ITGAX: variants seen among roughly 807,000 people sequenced by gnomAD.
ITGAX encodes integrin subunit alpha X.
A neutral mutation model predicts 140.2 loss-of-function variants in ITGAX; 99 were observed. That is an observed-to-expected ratio of 0.71 (90% CI 0.60 to 0.83). The LOEUF is 0.83. Among genes scored for constraint, ITGAX ranks in the 40% least tolerant of loss-of-function variants. The probability of loss-of-function intolerance (pLI) is 0.00; values close to 1 mark genes in which losing one functional copy is unlikely to be tolerated. For missense variants in ITGAX, 1,444 were observed against 1,482.0 expected (o/e 0.97, Z 0.42); for synonymous variants, 631 against 600.4 (o/e 1.05, Z -0.75).
In ITGAX at chr16:31,376,887, AC is replaced by A. The variant is rs2081024155; in HGVS notation, c.2599del (p.His867ThrfsTer30). ...ACCTGGAGCACCAGCTGCAGAATCA[AC>A]CACCTCATCTTCCGTGGCGGCGCCC... is the stretch of plus-strand genomic sequence containing the variant. ...QGTWSTSCRI[N>X]HLIFRGGAQI... is the part of the protein sequence containing the mutation. On this transcript the variant is annotated frameshift_variant, in exon 21 of 30. Coordinates refer to ENST00000268296, the MANE Select transcript of ITGAX (RefSeq NM_000887.5). LOFTEE classifies it high-confidence loss of function. The A allele has an allele frequency of 2.5e-6, 4 of 1,614,054 alleles. No homozygotes were observed. The highest frequency in any genetic ancestry group is 3.4e-6 in the Non-Finnish European group (4 of 1,180,032).
At chr16:31,368,514 AG>A (rs1343404189) in intron 14 of ITGAX, among the ~76,000 whole-genome samples, 36 of 150,952 alleles carry the variant, frequency 2.4e-4, no homozygotes, top group African/African-American at 6.8e-4. Flanking sequence ...AAAAAAAAAA[AG>A]AATATTATAT....
intron 29 of ITGAX, 87 bp downstream of exon 29, chr16:31,381,094 G>A (rs1243205911): frequency 1.9e-6 from 2 of 1,038,738 alleles, no homozygotes; most frequent in African/African-American, 1.6e-5. Context: ...TGAAGGCAGA[G>A]GCACATTCTT....
intron 14 of ITGAX, among the ~76,000 whole-genome samples, chr16:31,367,086 T>C (rs1013785772): frequency 2.0e-5 from 3 of 152,042 alleles, no homozygotes; most frequent in Non-Finnish European, 2.9e-5. Context: ...CAAAGCCAAA[T>C]CCAGAGCAAG....
rs896944312 is a variant in ITGAX at position 31,363,266 on chromosome 16, C to T, written c.1602C>T (p.Asp534=). The change falls in exon 14 of 30, where the codon GAC becomes GAT. Residue 534 remains aspartate (D), a synonymous_variant. Coordinates refer to ENST00000268296, the MANE Select transcript of ITGAX (RefSeq NM_000887.5). ...CAGTGCTGGGGGATGTGAATGGGGA[C>T]AAGCTGACAGACGTGGTCATCGGGG... ...ALTVLGDVNG[D]KLTDVVIGAP... The T allele has an allele frequency of 1.2e-6, 2 of 1,613,970 alleles. No individual in the cohort carries two copies. The highest frequency in any genetic ancestry group is 1.3e-5 in the African/African-American group (1 of 74,990).
Position 31,355,247 on chromosome 16 carries a change from T to C in ITGAX, c.-8T>C, listed in dbSNP as rs2080745872. 3.1e-6 allele frequency: 5 copies of C among 1,613,800 alleles called. No homozygotes were observed. On this transcript the variant is annotated 5_prime_UTR_variant, in exon 1 of 30. Transcript: ENST00000268296. ...GGAGCTCAGAGCTCCACATCTGACC[T>C]TCTAGTCATGACCAGGACCAGGGCA...
At chr16:31,371,275 C>A in intron 15 of ITGAX, 59 bp from the exon 16 acceptor site, 5 of 1,607,724 alleles carry the variant, frequency 3.1e-6, no homozygotes, top group East Asian at 4.5e-5. Context: ...GGGGTGCCCA[C>A]CCCACGTGGT....
chr16:31,356,919 T>G (rs2080767031), intron 3 of ITGAX, 112 bp from the exon 4 acceptor site: 1 of 1,011,988 alleles, frequency 9.9e-7, no homozygotes, highest in Middle Eastern at 3.2e-4. Context: ...ACCCGACAGC[T>G]TCCTTCACCG....
intron 11 of ITGAX, 79 bp downstream of exon 11, chr16:31,362,283 T>C (rs961620669): frequency 8.0e-7 from 1 of 1,256,154 alleles, no homozygotes; most frequent in Non-Finnish European, 1.0e-6. Flanking sequence ...GGAAGGGGTA[T>C]GGGGGCTGTG....
Position 31,363,045 on chromosome 16 carries a change from C to T in ITGAX, c.1470C>T (p.Gly490=), listed in dbSNP as rs2036733553. 3.7e-6 allele frequency: 6 copies of T among 1,611,888 alleles called. No homozygotes were observed. The highest frequency in any genetic ancestry group is 5.1e-6 in the Non-Finnish European group (6 of 1,179,592). The change falls in exon 13 of 30, where the codon GGC becomes GGT. Residue 490 remains glycine, a synonymous_variant. Transcript: ENST00000268296. ...APHYYEQTRG[G]QVSVCPLPRG... ...ATTACTACGAGCAGACCCGAGGGGG[C>T]CAGGTGTCTGTGTGTCCCTTGCCCA...
rs2080755170 is a variant in ITGAX, at chr16:31,355,956, G to A, written c.101G>A (p.Ser34Asn). ...TEELTAFRVDSAGFGDSVVQY... is the reference protein window; with the variant it reads ...TEELTAFRVDNAGFGDSVVQY... ...GAGCTGACAGCCTTCCGTGTGGACA[G>A]CGCTGGGTTTGGAGACAGCGTGGTC... is the stretch of plus-strand genomic sequence containing the variant. The change falls in exon 2 of 30, where the codon AGC (serine) becomes AAC (asparagine). Residue 34 changes from serine to asparagine, a missense_variant. Physicochemically the swap from Ser to Asn is conservative, Grantham distance 46. Transcript: ENST00000268296. The A allele has an allele frequency of 5.6e-6, 9 of 1,613,766 alleles. No individual in the cohort carries two copies. The highest frequency in any genetic ancestry group is 6.8e-6 in the Non-Finnish European group (8 of 1,179,836).
chr16:31,357,452 A>T (rs2080776173), intron 5 of ITGAX, 88 bp downstream of exon 5: 3 of 816,868 alleles, frequency 3.7e-6, no homozygotes, highest in Non-Finnish European at 5.9e-6. Flanking sequence ...GCCAGAGTGG[A>T]TCAGAAAGAA....
chr16:31,372,601 C>T lies in ITGAX; in HGVS notation c.2297C>T (p.Pro766Leu), dbSNP rs151251765. The change falls in exon 19 of 30, where the codon CCC becomes CTC. Residue 766 changes from proline (P) to leucine (L), a missense_variant. Transcript: ENST00000268296. ...DAQRYFTASL[P>L]FEKNCGADHI... The stretch of plus-strand genomic sequence containing the variant: ...CCCCGTTGCCTTCCCACGCAGCTAC[C>T]CTTTGAGAAGAACTGTGGAGCCGAC... 4.5e-5 allele frequency: 72 copies of T among 1,614,168 alleles called. No homozygotes were observed. In the African/African-American group the frequency reaches 8.5e-4, roughly 19 times the overall value.
intron 20 of ITGAX, among the ~76,000 whole-genome samples, chr16:31,376,469 T>A (rs889628220): frequency 2.0e-5 from 3 of 152,086 alleles, no homozygotes; most frequent in African/African-American, 4.8e-5. Context: ...AAAATTTTTT[T>A]AAAATTAGCC....
Position 31,362,707 on chromosome 16 carries a change from A to G in ITGAX, c.1313A>G (p.Gln438Arg). 6.2e-7 allele frequency: 1 copy of G among 1,613,826 alleles called. No individual in the cohort carries two copies. Among genetic ancestry groups the G allele is most frequent in the Admixed American group, 1.7e-5 (1 of 59,998 alleles). ...ACCGGGAAGGCTGTCATCTTCACCC[A>G]GGTGTCCAGGCAATGGAGGATGAAG... ...QHTGKAVIFT[Q>R]VSRQWRMKAE... The change falls in exon 12 of 30, where the codon CAG becomes CGG. Residue 438 changes from glutamine to arginine, a missense_variant. Gln to Arg is a conservative substitution (Grantham distance 43). Coordinates refer to ENST00000268296, the MANE Select transcript of ITGAX (RefSeq NM_000887.5).
chr16:31,370,963 T>C, intron 14 of ITGAX, 121 bp from the exon 15 acceptor site: 1 of 1,230,454 alleles, frequency 8.1e-7, no homozygotes, highest in Middle Eastern at 2.8e-4. Flanking sequence ...TGGTGACATC[T>C]GTTCACAACT....
chr16:31,357,788 G>A (rs2080779610), intron 5 of ITGAX: 1 of 410,092 alleles, frequency 2.4e-6, no homozygotes, highest in South Asian at 1.0e-4. Context: ...GTTTAGGAAA[G>A]GTCAGTGAAA....
rs571236522 is a variant in ITGAX, at chr16:31,361,829, C to T, written c.1013-7C>T. The T allele has an allele frequency of 1.2e-6, 2 of 1,613,846 alleles. No homozygotes were observed. Among genetic ancestry groups the T allele is most frequent in the South Asian group, 1.1e-5 (1 of 91,082 alleles). The stretch of plus-strand genomic sequence containing the variant: ...CCCTGGCACTCAAGCGTCATGCCTT[C>T]CCCCAGGTACGGAGACCACAAGCAG... On this transcript the variant is annotated splice_polypyrimidine_tract_variant and splice_region_variant and intron_variant, in intron 9 of 29. Coordinates refer to ENST00000268296, the MANE Select transcript of ITGAX (RefSeq NM_000887.5).
intron 20 of ITGAX, among the ~76,000 whole-genome samples, chr16:31,374,238 G>A (rs890662008): frequency 6.6e-6 from 1 of 151,812 alleles, no homozygotes; most frequent in Non-Finnish European, 1.5e-5. Context: ...GCAGTGAGCT[G>A]AGATTGTGCC....
At chr16:31,362,467 G>A in intron 11 of ITGAX, 144 bp from the exon 12 acceptor site, 4 of 1,228,354 alleles carry the variant, frequency 3.3e-6, no homozygotes, top group Non-Finnish European at 4.4e-6. Flanking sequence ...CCAGGGTTCT[G>A]GGGAGAGAGG....
Sources: allele counts gnomAD v4.1 joint callset (sites outside exome capture counted in the v4.1 genomes callset), GRCh38; gene constraint gnomAD v4.1.1; transcripts MANE v1.5; gene names NCBI Gene and HGNC (gene_info 2026-07-23, HGNC 2026-07-21).